Variants in BICRA observed in about 807,000 individuals in gnomAD.
The protein encoded by BICRA is BRD4-interacting chromatin-remodeling complex-associated protein.
BICRA carries 31 observed loss-of-function variants against 96.9 expected under a neutral mutation model. That is an observed-to-expected ratio of 0.32 (90% CI 0.24 to 0.43). The LOEUF is 0.43. Ranked by LOEUF, BICRA falls within the 20% of genes least tolerant of loss-of-function variation. The probability of loss-of-function intolerance (pLI) is 1.00; values close to 1 mark genes in which losing one functional copy is unlikely to be tolerated. For missense variants in BICRA, 2,283 were observed against 2,190.3 expected (o/e 1.04, Z -0.84); for synonymous variants, 1,350 against 1,071.8 (o/e 1.26, Z -5.07).
At chr19:47,689,681 GATT>G (rs34343381) in intron 7 of BICRA, among the ~76,000 whole-genome samples, 109,707 of 151,912 alleles carry the variant, frequency 0.72, 40,064 homozygotes, top group East Asian at 0.96. Flanking sequence ...AAAGTACTGG[GATT>G]ATTATAGGCG....
chr19:47,658,530 G>A (rs959953848), intron 1 of BICRA, among the ~76,000 whole-genome samples: 2 of 151,578 alleles, frequency 1.3e-5, no homozygotes, highest in African/African-American at 4.9e-5. Flanking sequence ...TACTCCTGAG[G>A]CTAAGGCGGG....
chr19:47,664,747 G>T (rs141298661), intron 1 of BICRA, among the ~76,000 whole-genome samples: 2 of 152,206 alleles, frequency 1.3e-5, no homozygotes, highest in African/African-American at 4.8e-5. Flanking sequence ...CTTCTCGCTC[G>T]TGTGTGTGCC....
At position 47,675,079 on chromosome 19, in the gene BICRA, A is replaced by G. The variant is rs1568566923; in HGVS notation, c.85-772A>G. Among the ~76,000 whole-genome samples the G allele has an allele frequency of 1.3e-5, 2 of 152,188 alleles. No homozygotes were observed. The highest frequency in any genetic ancestry group is 2.9e-5 in the Non-Finnish European group (2 of 68,028). On this transcript the variant is annotated intron_variant, in intron 4 of 14. Coordinates refer to ENST00000594866, the MANE Select transcript of BICRA (RefSeq NM_001394372.1). This position sits in a 1 kb window ranked among gnomAD's most constrained non-coding sequence, Gnocchi z 4.7. ...ATTTGGGATCTATCTGGGAGGTGGC[A>G]TCAACTAGACTTGCTGGTGGACTCG...
At chr19:47,620,421 C>T (rs1972047316) in intron 1 of BICRA, among the ~76,000 whole-genome samples, 1 of 151,998 alleles carries the variant, frequency 6.6e-6, no homozygotes, top group South Asian at 2.1e-4. Flanking sequence ...AATCCCAGCA[C>T]TTTGGGAGGT....
At chr19:47,646,617 A>G (rs1972463765) in intron 1 of BICRA, among the ~76,000 whole-genome samples, 5 of 152,126 alleles carry the variant, frequency 3.3e-5, no homozygotes, top group Admixed American at 3.3e-4. Context: ...TAATTCGTTT[A>G]ATCCTCCTGA....
intron 1 of BICRA, among the ~76,000 whole-genome samples, chr19:47,613,691 C>T (rs764544274): frequency 3.3e-5 from 5 of 152,050 alleles, no homozygotes; most frequent in Non-Finnish European, 7.4e-5. Flanking sequence ...CACCTTATGC[C>T]ACACTAGAGA....
chr19:47,671,582 G>A (rs1171531199), intron 2 of BICRA, among the ~76,000 whole-genome samples: 1 of 152,046 alleles, frequency 6.6e-6, no homozygotes, highest in Non-Finnish European at 1.5e-5. Context: ...GGTCTGTGTG[G>A]GTATTTGGCA....
chr19:47,616,618 G>C (rs1392657762), intron 1 of BICRA, among the ~76,000 whole-genome samples: 2 of 150,394 alleles, frequency 1.3e-5, no homozygotes, highest in East Asian at 4.0e-4. Flanking sequence ...CAGCCAGGGC[G>C]ACAGAGCAAG....
At chr19:47,634,195 G>A (rs1309447381) in intron 1 of BICRA, among the ~76,000 whole-genome samples, 1 of 152,208 alleles carries the variant, frequency 6.6e-6, no homozygotes, top group Non-Finnish European at 1.5e-5. Context: ...TGCAGGGTGG[G>A]CGGGAGGAGT....
At chr19:47,609,763 C>T (rs1295881879) in intron 1 of BICRA, among the ~76,000 whole-genome samples, 1 of 152,140 alleles carries the variant, frequency 6.6e-6, no homozygotes, top group Non-Finnish European at 1.5e-5. Flanking sequence ...CCCCAAATCC[C>T]TCCCGTGGGT....
intron 1 of BICRA, chr19:47,615,855 T>C (rs1971976967): frequency 1.3e-5 from 2 of 152,176 alleles, no homozygotes; most frequent in Admixed American, 1.3e-4. Flanking sequence ...GCCTCCCTCG[T>C]AGGGTCTGCT....
intron 1 of BICRA, among the ~76,000 whole-genome samples, chr19:47,660,096 G>A (rs115512091): frequency 1.3e-5 from 2 of 152,074 alleles, no homozygotes; most frequent in African/African-American, 2.4e-5. Flanking sequence ...AACTATTCTC[G>A]TATAGTTCCA....
Position 47,680,454 on chromosome 19 carries a change from G to GGCC in BICRA, c.1285_1287dup (p.Ala429dup), listed in dbSNP as rs1568569858. The GGCC allele has an allele frequency of 3.2e-6, 5 of 1,539,580 alleles. No individual in the cohort carries two copies. The highest frequency in any genetic ancestry group is 2.6e-6 in the Non-Finnish European group (3 of 1,146,046). On this transcript the variant is annotated inframe_insertion, in exon 6 of 15. Coordinates refer to ENST00000594866, the MANE Select transcript of BICRA (RefSeq NM_001394372.1). ...AAGCGAACGTCTTCAAGCAGCCACC[G>GGCC]GCCACCACCACCGGAGCGGCCCCGC...
chr19:47,623,172 C>T lies in BICRA; in HGVS notation c.-108+14004C>T, dbSNP rs115827700. On this transcript the variant is annotated intron_variant, in intron 1 of 14. Transcript: ENST00000594866. Reference sequence around the variant, plus strand: ...ATAAAATTCCCTTTTATTTTCATTCCCCTCCCCGTCAGCGACCTCCTGTGC... The same window carrying T: ...ATAAAATTCCCTTTTATTTTCATTCTCCTCCCCGTCAGCGACCTCCTGTGC... Among the ~76,000 whole-genome samples the T allele has an allele frequency of 8.1e-3, 1,228 of 151,950 alleles. 16 individuals carry two copies. Among genetic ancestry groups the T allele is most frequent in the African/African-American group, 0.028 (1,179 of 41,420 alleles).
intron 1 of BICRA, among the ~76,000 whole-genome samples, chr19:47,647,450 G>A (rs2910995): frequency 0.73 from 110,342 of 152,006 alleles, 40,497 homozygotes; most frequent in African/African-American, 0.83. Context: ...TTCATCCATT[G>A]TCCTGTTGAT....
chr19:47,695,342 T>TCGGGGGGGCCCCCCCCCCC, intron 9 of BICRA, 23 bp from the exon 10 acceptor site: 1 of 630,184 alleles, frequency 1.6e-6, no homozygotes, highest in Non-Finnish European at 2.8e-6. Flanking sequence ...AGGCCCTGTC[T>TCGGGGGGGCCCCCCCCCCC]CCCCCACCCC....
At position 47,699,007 on chromosome 19, in the gene BICRA, G is replaced by C. The variant is rs771508248; in HGVS notation, c.3440G>C (p.Arg1147Pro). ...FETVSTQLLK[R>P]TQAMLNKYRL... ...ACGGTCTCCACGCAGCTGCTGAAAC[G>C]CACCCAGGCCATGCTCAATAAATAT... The change falls in exon 13 of 15, where the codon CGC becomes CCC. Residue 1147 changes from arginine (R) to proline (P), a missense_variant. Coordinates refer to ENST00000594866, the MANE Select transcript of BICRA (RefSeq NM_001394372.1). This position sits in a 1 kb window ranked among gnomAD's most constrained non-coding sequence, Gnocchi z 5.0. 1 of 1,587,684 alleles carries C rather than the reference G, an allele frequency of 6.3e-7. No homozygotes were observed. The highest frequency in any genetic ancestry group is 8.6e-7 in the Non-Finnish European group (1 of 1,167,716).
chr19:47,630,361 A>G (rs1434220541), intron 1 of BICRA, among the ~76,000 whole-genome samples: 1 of 149,896 alleles, frequency 6.7e-6, no homozygotes, highest in East Asian at 2.0e-4. Context: ...TTTAGTAGAG[A>G]CGGGGTTTCA....
In BICRA at chr19:47,665,397, G is replaced by T. The variant is rs1308922727; in HGVS notation, c.-107-5046G>T. Among the ~76,000 whole-genome samples, 4 of 152,184 alleles carry T rather than the reference G, an allele frequency of 2.6e-5. No individual in the cohort carries two copies. In the South Asian group the frequency reaches 8.3e-4, roughly 32 times the overall value. On this transcript the variant is annotated intron_variant, in intron 1 of 14. Coordinates refer to ENST00000594866, the MANE Select transcript of BICRA (RefSeq NM_001394372.1). ...ACAAGCAAAAGTTCCTGTCCTGGGGGACATTTCGGTAGAGGAGACACACAG... is the reference window on the plus strand; with the variant it reads ...ACAAGCAAAAGTTCCTGTCCTGGGGTACATTTCGGTAGAGGAGACACACAG...
Sources: allele counts gnomAD v4.1 joint callset (sites outside exome capture counted in the v4.1 genomes callset), GRCh38; gene constraint gnomAD v4.1.1; non-coding constraint Gnocchi (gnomAD v3.1); transcripts MANE v1.5; gene names NCBI Gene and HGNC (gene_info 2026-07-23, HGNC 2026-07-21).